SLC18A1: variants seen among roughly 807,000 people sequenced by gnomAD.
The protein encoded by SLC18A1 is chromaffin granule amine transporter.
SLC18A1 carries 69 observed loss-of-function variants against 53.7 expected under a neutral mutation model. The observed-to-expected ratio is 1.28, with a 90% CI of 1.06 to 1.57. The LOEUF (loss-of-function observed/expected upper bound fraction) is 1.57. Ranked by LOEUF, SLC18A1 falls within the 40% of genes most tolerant of loss-of-function variation. The pLI, the probability that SLC18A1 is intolerant of heterozygous loss-of-function variation, is 0.00. For synonymous variants in SLC18A1, 320 were observed against 248.1 expected, an observed-to-expected ratio of 1.29 and a Z score of -2.72; for missense variants, 932 against 668.1, an observed-to-expected ratio of 1.40 and a Z score of -4.35.
chr8:20,164,085 G>C lies in SLC18A1; in HGVS notation c.1015+784C>G, dbSNP rs80218658. The stretch of plus-strand genomic sequence containing the variant: ...GCTTAGAATTGCCCCCCCAAAATTA[G>C]ATTTAGTGCTTTTTATTGCATGCTG... On this transcript the variant is annotated intron_variant, in intron 10 of 15. Coordinates refer to ENST00000276373, the MANE Select transcript of SLC18A1 (RefSeq NM_003053.4). Among the ~76,000 whole-genome samples, 466 of 152,236 alleles carry C rather than the reference G, an allele frequency of 3.1e-3. 6 individuals carry two copies. Among genetic ancestry groups the C allele is most frequent in the African/African-American group, 0.011 (455 of 41,528 alleles).
chr8:20,152,924 C>T (rs1359126848), intron 10 of SLC18A1, among the ~76,000 whole-genome samples: 1 of 152,052 alleles, frequency 6.6e-6, no homozygotes, highest in Non-Finnish European at 1.5e-5. Flanking sequence ...GGTTCAGATG[C>T]AGGATATTGG....
rs182619883 is a variant in SLC18A1 at position 20,167,597 on chromosome 8, G to A, written c.859-2490C>T. 4.9e-3 allele frequency among the ~76,000 whole-genome samples: 740 copies of A among 152,116 alleles called. 2 individuals carry two copies. The highest frequency in any genetic ancestry group is 0.012 in the Admixed American group (182 of 15,274). On this transcript the variant is annotated intron_variant, in intron 8 of 15. Coordinates refer to ENST00000276373, the MANE Select transcript of SLC18A1 (RefSeq NM_003053.4). ...ACCCCAATGGCAAAGAGCACATTGA[G>A]TCCCCATAGTTTTTTGTTTTTTTTG...
At chr8:20,162,761 C>T (rs2071860827) in intron 10 of SLC18A1, among the ~76,000 whole-genome samples, 1 of 152,172 alleles carries the variant, frequency 6.6e-6, no homozygotes, top group South Asian at 2.1e-4. Flanking sequence ...TGGTCACAAC[C>T]TCTTAACCAA....
At chr8:20,179,022 A>G in intron 3 of SLC18A1, 99 bp downstream of exon 3, 2 of 1,404,918 alleles carry the variant, frequency 1.4e-6, no homozygotes, top group South Asian at 2.8e-5. Context: ...GAATCATACA[A>G]GTGAGTATTT....
chr8:20,147,143 AGAGT>A (rs1258565429), intron 15 of SLC18A1, 111 bp downstream of exon 15: 3 of 1,091,512 alleles, frequency 2.7e-6, no homozygotes, highest in Non-Finnish European at 3.8e-6. Flanking sequence ...CAAAGCAGAG[AGAGT>A]ATCAACAGAG....
At chr8:20,173,690 T>C (rs572863114) in intron 5 of SLC18A1, among the ~76,000 whole-genome samples, 92 of 152,286 alleles carry the variant, frequency 6.0e-4, no homozygotes, top group Non-Finnish European at 1.0e-3. Context: ...GTGTTACCAG[T>C]AGTACTAACA....
chr8:20,166,788 G>T (rs893727975), intron 8 of SLC18A1, among the ~76,000 whole-genome samples: 2 of 152,096 alleles, frequency 1.3e-5, no homozygotes, highest in Admixed American at 6.5e-5. Flanking sequence ...CTTCAGGGAG[G>T]TAATTAAGGT....
intron 10 of SLC18A1, among the ~76,000 whole-genome samples, chr8:20,156,000 C>T (rs1008992790): frequency 2.6e-5 from 4 of 152,224 alleles, no homozygotes; most frequent in Non-Finnish European, 4.4e-5. Flanking sequence ...AACTTACCCA[C>T]CCTGTGCAAT....
At chr8:20,163,367 T>G (rs1373044567) in intron 10 of SLC18A1, among the ~76,000 whole-genome samples, 1 of 152,162 alleles carries the variant, frequency 6.6e-6, no homozygotes, top group Non-Finnish European at 1.5e-5. Flanking sequence ...GGGGGACACA[T>G]TCACACCATA....
In SLC18A1 at chr8:20,150,758, C is replaced by G. The variant is rs537699055; in HGVS notation, c.1016-14G>C. 1.2e-5 allele frequency: 20 copies of G among 1,610,498 alleles called. No individual in the cohort carries two copies. In the East Asian group the frequency reaches 4.0e-4, roughly 32 times the overall value. On this transcript the variant is annotated splice_polypyrimidine_tract_variant and intron_variant, in intron 10 of 15. Coordinates refer to ENST00000276373, the MANE Select transcript of SLC18A1 (RefSeq NM_003053.4). ...AGAAAGCTAGACCTGTGGAAGGACACAGATCCTTACCTTAGGACATGTCCA... is the reference window on the plus strand; with the variant it reads ...AGAAAGCTAGACCTGTGGAAGGACAGAGATCCTTACCTTAGGACATGTCCA...
At chr8:20,168,693 T>G (rs1223597209) in intron 8 of SLC18A1, among the ~76,000 whole-genome samples, 1 of 152,148 alleles carries the variant, frequency 6.6e-6, no homozygotes. Context: ...CTCAGCCTCC[T>G]GAGTAGCTGG....
Position 20,149,692 on chromosome 8 carries a change from C to CGTA in SLC18A1, c.1129_1130insTAC (p.Gly377delinsValArg), listed in dbSNP as rs1489624051. The stretch of plus-strand genomic sequence containing the variant: ...TATACTTACACAGAGCAAGCTGGTA[C>CGTA]CTACTACCAGCATCCCGATTAGGGA... On this transcript the variant is annotated protein_altering_variant, in exon 12 of 16. Transcript: ENST00000276373. 5 of 1,613,310 alleles carry CGTA rather than the reference C, an allele frequency of 3.1e-6. No homozygotes were observed. The East Asian group carries it at 1.1e-4, about 36-fold the overall frequency.
intron 10 of SLC18A1, among the ~76,000 whole-genome samples, chr8:20,153,416 G>A (rs1389557377): frequency 9.2e-5 from 14 of 151,976 alleles, no homozygotes; most frequent in South Asian, 4.1e-4. Context: ...TGTGGCTCAC[G>A]CCTGTAATCC....
intron 10 of SLC18A1, among the ~76,000 whole-genome samples, chr8:20,159,148 A>G (rs2071752387): frequency 1.3e-5 from 2 of 152,142 alleles, no homozygotes; most frequent in Non-Finnish European, 2.9e-5. Context: ...CTGGCCTGCT[A>G]GCCCATGCTC....
At chr8:20,166,918 A>G (rs2071982247) in intron 8 of SLC18A1, among the ~76,000 whole-genome samples, 1 of 152,136 alleles carries the variant, frequency 6.6e-6, no homozygotes, top group African/African-American at 2.4e-5. Context: ...CCATGTGAGG[A>G]CGCACTGAGA....
Position 20,170,434 on chromosome 8 carries a change from G to A in SLC18A1, c.858+669C>T, listed in dbSNP as rs139944088. ...ATGAGGTGTTAGTGTCATGACTTCC[G>A]GAATACCTTGACAAGCTGTGGAATG... On this transcript the variant is annotated intron_variant, in intron 8 of 15. Transcript: ENST00000276373. Among the ~76,000 whole-genome samples, 19 of 152,234 alleles carry A rather than the reference G, an allele frequency of 1.2e-4. No homozygotes were observed. In the East Asian group the frequency reaches 3.3e-3, roughly 26 times the overall value.
chr8:20,168,367 C>CA (rs201705778), intron 8 of SLC18A1, among the ~76,000 whole-genome samples: 5 of 149,184 alleles, frequency 3.4e-5, no homozygotes, highest in Admixed American at 6.7e-5. Context: ...GCCCTGTCTC[C>CA]AAAAAAAAAT....
intron 5 of SLC18A1, 21 bp from the exon 6 acceptor site, chr8:20,173,149 G>A (rs771663432): frequency 1.9e-6 from 3 of 1,547,436 alleles, no homozygotes; most frequent in Non-Finnish European, 2.6e-6. Context: ...AGTTACAGAT[G>A]CAGCTGGCCC....
chr8:20,150,968 T>C lies in SLC18A1; in HGVS notation c.1016-224A>G, dbSNP rs2071537930. On this transcript the variant is annotated intron_variant, in intron 10 of 15. Transcript: ENST00000276373. ...GCTTTGTTTAGCCTCAGTACTTTTCTTTTTGTTTTCTTTCTTTTTTTGAGA... is the reference window on the plus strand; with the variant it reads ...GCTTTGTTTAGCCTCAGTACTTTTCCTTTTGTTTTCTTTCTTTTTTTGAGA... 3 of 526,790 alleles carry C rather than the reference T, an allele frequency of 5.7e-6. No individual in the cohort carries two copies. The East Asian group carries it at 9.6e-5, about 17-fold the overall frequency. The allele number at this position is 526,790 out of a possible 1,614,324, so 32.6% of individuals were successfully genotyped here.
Sources: allele counts gnomAD v4.1 joint callset (sites outside exome capture counted in the v4.1 genomes callset), GRCh38; gene constraint gnomAD v4.1.1; transcripts MANE v1.5; gene names NCBI Gene and HGNC (gene_info 2026-07-23, HGNC 2026-07-21).